The following ATP13A2 variants were observed in gnomAD, a reference collection of about 807,000 sequenced individuals.
ATP13A2 encodes ATPase cation transporting 13A2.
ATP13A2 carries 83 observed loss-of-function variants against 138.3 expected under a neutral mutation model. The observed-to-expected ratio is 0.60, with a 90% CI of 0.50 to 0.72. The LOEUF (loss-of-function observed/expected upper bound fraction) is 0.72, where lower values mean the gene tolerates loss of function less well. Among genes scored for constraint, ATP13A2 ranks in the 30% least tolerant of loss-of-function variants. ATP13A2 has a pLI of 0.00. For missense variants in ATP13A2, 1,402 were observed against 1,606.4 expected (o/e 0.87, Z 2.17); for synonymous variants, 663 against 699.0 (o/e 0.95, Z 0.81).
Position 16,986,896 on chromosome 1 carries a change from G to C in ATP13A2, c.3144C>G (p.Thr1048=), listed in dbSNP as rs56126202. Residue 1048 remains threonine, a synonymous_variant, in exon 27 of 29, where the codon ACC becomes ACG. Transcript: ENST00000326735. The surrounding 1 kb of genome is among the most constrained non-coding windows in gnomAD (Gnocchi z 6.9). The stretch of plus-strand genomic sequence containing the variant: ...GGAAGCTGGACAGAGAGAAGACCAC[G>C]GTGTTCTCGTAGTTGGGCAGGTTGT... The part of the protein sequence containing the change: ...APDNLPNYEN[T]VVFSLSSFQY... 6.8e-3 allele frequency: 10,985 copies of C among 1,614,010 alleles called. 554 individuals are homozygous for C. The African/African-American group carries it at 0.12, about 17-fold the overall frequency.
chr1:16,989,701 G>C lies in ATP13A2; in HGVS notation c.2599C>G (p.Gln867Glu). ...EQKTELVCELQKLQYCVGMCG... is the reference protein window; with the variant it reads ...EQKTELVCELEKLQYCVGMCG... ...CTGCCGAGCACTCACTGAAGCTTCT[G>C]TAGCTCGCACACCAGCTCTGTCTTC... The change falls in exon 23 of 29, where the codon CAG becomes GAG. Residue 867 changes from glutamine to glutamate, a missense_variant. Coordinates refer to ENST00000326735, the MANE Select transcript of ATP13A2 (RefSeq NM_022089.4). 1 of 1,614,128 alleles carries C rather than the reference G, an allele frequency of 6.2e-7. No homozygotes were observed. The highest frequency in any genetic ancestry group is 8.5e-7 in the Non-Finnish European group (1 of 1,180,040).
Position 17,004,636 on chromosome 1 carries a change from T to G in ATP13A2, c.477+56A>C, listed in dbSNP as rs1285901472. 1 of 1,613,600 alleles carries G rather than the reference T, an allele frequency of 6.2e-7. No homozygotes were observed. The highest frequency in any genetic ancestry group is 1.7e-5 in the Admixed American group (1 of 59,988). On this transcript the variant is annotated intron_variant, in intron 5 of 28. Transcript: ENST00000326735. The surrounding 1 kb of genome is among the most constrained non-coding windows in gnomAD (Gnocchi z 4.1). The stretch of plus-strand genomic sequence containing the variant: ...AGAACATGAAGTCTGACTCTCCCAT[T>G]GCACAGATCATGAAACCGAGGCCGA...
At chr1:17,002,444 C>A in intron 6 of ATP13A2, 71 bp from the exon 7 acceptor site, 1 of 1,543,588 alleles carries the variant, frequency 6.5e-7, no homozygotes, top group Non-Finnish European at 8.8e-7. Flanking sequence ...CCTGTGCAGG[C>A]TGGAGACTAT....
rs762628723 is a variant in ATP13A2 at position 16,997,058 on chromosome 1, T to C, written c.1157A>G (p.Tyr386Cys). ...CGTLILQARA[Y>C]VGPHVLAVVT... ...CACTGCCAGGACGTGCGGTCCCACA[T>C]AGGCCCGGGCCTGCAAGATGAGGGT... The change falls in exon 12 of 29, where the codon TAT (tyrosine) becomes TGT (cysteine). Residue 386 changes from tyrosine to cysteine, a missense_variant. Tyr to Cys is a radical substitution (Grantham distance 194). Coordinates refer to ENST00000326735, the MANE Select transcript of ATP13A2 (RefSeq NM_022089.4). 30 of 1,613,058 alleles carry C rather than the reference T, an allele frequency of 1.9e-5. 1 individual carries two copies. Among genetic ancestry groups the C allele is most frequent in the Non-Finnish European group, 2.2e-5 (26 of 1,179,988 alleles).
rs139065780 is a variant in ATP13A2 at position 16,996,256 on chromosome 1, G to A, written c.1351C>T (p.Arg451Trp). 48 of 1,614,064 alleles carry A rather than the reference G, an allele frequency of 3.0e-5. No individual in the cohort carries two copies. The highest frequency in any genetic ancestry group is 4.0e-5 in the African/African-American group (3 of 75,042). The change falls in exon 14 of 29, where the codon CGG becomes TGG. Residue 451 changes from arginine to tryptophan, a missense_variant and splice_region_variant. Coordinates refer to ENST00000326735, the MANE Select transcript of ATP13A2 (RefSeq NM_022089.4). ...CCCACCCCACCCCCAAGGCTTACCC[G>A]GTTTCGGTAGAGGATGAAGATGCTG... is the stretch of plus-strand genomic sequence containing the variant. ...IYSIFILYRN[R>W]VPLNEIVIRA...
At chr1:17,008,221 C>T (rs2077637694) in intron 1 of ATP13A2, among the ~76,000 whole-genome samples, 1 of 152,158 alleles carries the variant, frequency 6.6e-6, no homozygotes, top group African/African-American at 2.4e-5. Context: ...TAGCTCACTG[C>T]AGCCTTGACC....
intron 20 of ATP13A2, 74 bp downstream of exon 20, chr1:16,991,660 C>T (rs2076934600): frequency 1.9e-6 from 3 of 1,610,690 alleles, no homozygotes; most frequent in Middle Eastern, 1.6e-4. Context: ...AAAAGGAATC[C>T]CTGGTGCCCC....
intron 20 of ATP13A2, among the ~76,000 whole-genome samples, chr1:16,991,074 C>T (rs906170071): frequency 2.0e-5 from 3 of 151,914 alleles, no homozygotes; most frequent in Admixed American, 1.3e-4. Flanking sequence ...CTCAGCCTCC[C>T]GAGTAGCTGG....
At chr1:17,006,775 C>A (rs1345143572) in intron 1 of ATP13A2, among the ~76,000 whole-genome samples, 7 of 152,296 alleles carry the variant, frequency 4.6e-5, no homozygotes, top group African/African-American at 1.7e-4. Flanking sequence ...CAGCCCAGGT[C>A]TGGCAGTGAG....
At chr1:16,990,368 A>G (rs919203517) in intron 20 of ATP13A2, 81 bp from the exon 21 acceptor site, 50 of 1,562,470 alleles carry the variant, frequency 3.2e-5, no homozygotes, top group Non-Finnish European at 3.9e-5. Flanking sequence ...ATGGGAAAAC[A>G]GGCTGGATGA....
chr1:16,987,623 G>A (rs1246147283), intron 25 of ATP13A2, among the ~76,000 whole-genome samples: 1 of 152,210 alleles, frequency 6.6e-6, no homozygotes, highest in Admixed American at 6.5e-5. Context: ...GGAGCTCCTC[G>A]CTTTCAGGCA....
In ATP13A2 at chr1:17,002,390, G is replaced by T; in HGVS notation, c.558-17C>A. ...TCCAGGAGGCTGGGGGTGGGTGCGA[G>T]GGGACACGCATGGGCCATGGGGCCT... On this transcript the variant is annotated splice_polypyrimidine_tract_variant and intron_variant, in intron 6 of 28. Coordinates refer to ENST00000326735, the MANE Select transcript of ATP13A2 (RefSeq NM_022089.4). The T allele has an allele frequency of 6.2e-7, 1 of 1,611,038 alleles. No individual in the cohort carries two copies.
In ATP13A2 at chr1:16,987,090, G is replaced by A. The variant is rs779969316; in HGVS notation, c.3039C>T (p.Thr1013=). The A allele has an allele frequency of 1.9e-5, 30 of 1,613,302 alleles. No homozygotes were observed. The highest frequency in any genetic ancestry group is 2.7e-5 in the African/African-American group (2 of 74,898). The change falls in exon 26 of 29, where the codon ACC becomes ACT. Residue 1013 remains threonine, a synonymous_variant. Transcript: ENST00000326735. ...GGAAGTAGCCCCCTAGCTGCACGCC[G>A]GTCACCAGGACCATCTGCAGCAGCA... ...SSLLLQMVLV[T]GVQLGGYFLT...
Position 17,005,450 on chromosome 1 carries a change from C to T in ATP13A2, c.212G>A (p.Trp71Ter), listed in dbSNP as rs373607247. ...PLLLFRWKPL[W>*]GVRLRLRPCN... ...GGGCCGGAGCCGCAGCCGCACCCCC[C>T]ACAGGGGCTTCCAACGGAAGAGCAG... The change falls in exon 3 of 29, where the codon TGG (tryptophan) becomes TAG (stop). Residue 71 changes from tryptophan (W) to a stop codon, truncating the protein, a stop_gained. Coordinates refer to ENST00000326735, the MANE Select transcript of ATP13A2 (RefSeq NM_022089.4). LOFTEE classifies it high-confidence loss of function. The T allele has an allele frequency of 8.7e-6, 14 of 1,614,062 alleles. No homozygotes were observed. Among genetic ancestry groups the T allele is most frequent in the Admixed American group, 1.7e-5 (1 of 59,996 alleles).
At position 17,005,058 on chromosome 1, in the gene ATP13A2, C is replaced by A; in HGVS notation, c.303G>T (p.Gln101His). 1 of 1,614,132 alleles carries A rather than the reference C, an allele frequency of 6.2e-7. No individual in the cohort carries two copies. The highest frequency in any genetic ancestry group is 8.5e-7 in the Non-Finnish European group (1 of 1,180,026). ...CAGTCTGCACCTGGACAGTGAAGAG[C>A]TGCCAGGAACTATCCTGGAACACAG... ...EIRDKEDSSW[Q>H]LFTVQVQTEA... Residue 101 changes from glutamine to histidine, a missense_variant, in exon 4 of 29, where the codon CAG (glutamine) becomes CAT (histidine). By Grantham distance (24) the Gln-to-His change is conservative (BLOSUM62 0). Transcript: ENST00000326735.
chr1:17,000,547 C>G lies in ATP13A2; in HGVS notation c.706-13G>C. On this transcript the variant is annotated splice_polypyrimidine_tract_variant and intron_variant, in intron 8 of 28. Coordinates refer to ENST00000326735, the MANE Select transcript of ATP13A2 (RefSeq NM_022089.4). Reference sequence around the variant, plus strand: ...AGGGGTTCAGTGCCTGGGGGAGGGGCGGGAGGCAGCGTCAGGGCCGCGTCC... The same window carrying G: ...AGGGGTTCAGTGCCTGGGGGAGGGGGGGGAGGCAGCGTCAGGGCCGCGTCC... The G allele has an allele frequency of 6.2e-7, 1 of 1,611,058 alleles. No homozygotes were observed. Among genetic ancestry groups the G allele is most frequent in the Non-Finnish European group, 8.5e-7 (1 of 1,177,876 alleles).
At chr1:16,997,867 G>C in intron 11 of ATP13A2, among the ~76,000 whole-genome samples, 1 of 147,250 alleles carries the variant, frequency 6.8e-6, no homozygotes, top group East Asian at 2.1e-4. Context: ...GGAGGGGATG[G>C]GGTAAGGAAG....
chr1:16,989,560 T>G, intron 23 of ATP13A2, 131 bp downstream of exon 23: 1 of 856,596 alleles, frequency 1.2e-6, no homozygotes, highest in Non-Finnish European at 2.0e-6. Flanking sequence ...TGCCTGCTTT[T>G]GGTGAGGAGG....
intron 1 of ATP13A2, among the ~76,000 whole-genome samples, chr1:17,006,004 G>A (rs941291465): frequency 3.3e-5 from 5 of 152,030 alleles, no homozygotes; most frequent in African/African-American, 7.2e-5. Flanking sequence ...GCGTGGCAGC[G>A]CGTGCCTGTA....
Sources: allele counts gnomAD v4.1 joint callset (sites outside exome capture counted in the v4.1 genomes callset), GRCh38; gene constraint gnomAD v4.1.1; non-coding constraint Gnocchi (gnomAD v3.1); transcripts MANE v1.5; gene names NCBI Gene and HGNC (gene_info 2026-07-23, HGNC 2026-07-21).